Variants in SLC25A33 observed in about 807,000 individuals in gnomAD.
SLC25A33 encodes solute carrier family 25 member 33.
In SLC25A33, 15 loss-of-function variants were observed where a neutral mutation model predicts 35.5. The observed-to-expected ratio is 0.42, with a 90% CI of 0.28 to 0.65. The LOEUF is 0.65. SLC25A33 is among the 30% of genes least tolerant of loss of function. SLC25A33 has a pLI of 0.20. For synonymous variants in SLC25A33, 136 were observed against 148.7 expected (o/e 0.91, Z 0.62); for missense variants, 257 against 398.5 (o/e 0.64, Z 3.02).
intron 2 of SLC25A33, among the ~76,000 whole-genome samples, chr1:9,556,654 C>CT (rs1003216140): frequency 3.3e-5 from 5 of 151,814 alleles, no homozygotes; most frequent in African/African-American, 1.2e-4. Flanking sequence ...CAGCCCCCCC[C>CT]ATAAGAGATT....
intron 2 of SLC25A33, among the ~76,000 whole-genome samples, chr1:9,562,775 C>T (rs1197030827): frequency 6.7e-6 from 1 of 150,166 alleles, no homozygotes; most frequent in African/African-American, 2.5e-5. Context: ...ATCACTTGAA[C>T]CTGGGAGGCA....
At chr1:9,555,848 C>T (rs1295727808) in intron 2 of SLC25A33, among the ~76,000 whole-genome samples, 1 of 152,134 alleles carries the variant, frequency 6.6e-6, no homozygotes, top group African/African-American at 2.4e-5. Context: ...CGATGCCTGG[C>T]TAATTTTTGT....
At chr1:9,554,447 C>A (rs1222530155) in intron 2 of SLC25A33, among the ~76,000 whole-genome samples, 1 of 152,230 alleles carries the variant, frequency 6.6e-6, no homozygotes, top group African/African-American at 2.4e-5. Context: ...GCAACCTCTG[C>A]CTCCTGGATT....
intron 2 of SLC25A33, among the ~76,000 whole-genome samples, chr1:9,566,396 G>A (rs1326752707): frequency 1.3e-5 from 2 of 152,142 alleles, no homozygotes; most frequent in African/African-American, 4.8e-5. Flanking sequence ...CTAGAAGATA[G>A]GATTGTTAGA....
chr1:9,579,992 C>T lies in SLC25A33; in HGVS notation c.521C>T (p.Ala174Val). 1 of 1,613,396 alleles carries T rather than the reference C, an allele frequency of 6.2e-7. No homozygotes were observed. Among genetic ancestry groups the T allele is most frequent in the Non-Finnish European group, 8.5e-7 (1 of 1,179,694 alleles). Residue 174 changes from alanine (A) to valine (V), a missense_variant, in exon 6 of 7, where the codon GCT becomes GTT. Coordinates refer to ENST00000302692, the MANE Select transcript of SLC25A33 (RefSeq NM_032315.3). ...AAGCAGATGAATACACTCCAGTGTG[C>T]TCGTTACGTTTACCAGACCGAAGGC... The part of the protein sequence containing the change: ...GSKQMNTLQC[A>V]RYVYQTEGIR...
intron 1 of SLC25A33, among the ~76,000 whole-genome samples, chr1:9,541,742 A>G (rs1368427974): frequency 3.3e-5 from 5 of 151,866 alleles, no homozygotes; most frequent in Non-Finnish European, 7.4e-5. Flanking sequence ...TTAAAAAAAA[A>G]AAAAAAAGGA....
At chr1:9,540,778 CAACA>C (rs1643067416) in intron 1 of SLC25A33, among the ~76,000 whole-genome samples, 1 of 152,170 alleles carries the variant, frequency 6.6e-6, no homozygotes, top group African/African-American at 2.4e-5. Context: ...ATGTTCCTTA[CAACA>C]AACAATGGTT....
intron 4 of SLC25A33, among the ~76,000 whole-genome samples, chr1:9,572,542 C>G (rs748781706): frequency 5.3e-5 from 8 of 152,002 alleles, no homozygotes; most frequent in African/African-American, 1.9e-4. Flanking sequence ...GGCGTCAACC[C>G]GGGAGGCGGA....
intron 4 of SLC25A33, among the ~76,000 whole-genome samples, chr1:9,571,325 ACT>A (rs1319272675): frequency 6.6e-6 from 1 of 152,006 alleles, no homozygotes; most frequent in Admixed American, 6.6e-5. Flanking sequence ...AGACAGAGTC[ACT>A]CTGTCGCCCA....
At position 9,583,817 on chromosome 1, in the gene SLC25A33, C is replaced by G. The variant is rs1643773898; in HGVS notation, c.*1316C>G. ...ACCATCCTGGCTAACACGGTGAAAC[C>G]CCGTCTCTACTAAAAAAATACAAAA... is the stretch of plus-strand genomic sequence containing the variant. On this transcript the variant is annotated 3_prime_UTR_variant, in exon 7 of 7. Coordinates refer to ENST00000302692, the MANE Select transcript of SLC25A33 (RefSeq NM_032315.3). 1 of 152,056 alleles carries G rather than the reference C, an allele frequency of 6.6e-6. No homozygotes were observed. Among genetic ancestry groups the G allele is most frequent in the South Asian group, 2.1e-4 (1 of 4,824 alleles). 9.4% of individuals were successfully genotyped at this position (152,056 alleles called of 1,614,324 possible). A position where few individuals can be genotyped will look rare whatever the true frequency, so the allele number is the denominator to read the frequency against.
At chr1:9,571,762 C>G (rs942847687) in intron 4 of SLC25A33, among the ~76,000 whole-genome samples, 7 of 152,136 alleles carry the variant, frequency 4.6e-5, no homozygotes, top group African/African-American at 1.7e-4. Context: ...CCTCAGCCTC[C>G]TGAGTAGCTG....
At position 9,584,697 on chromosome 1, in the gene SLC25A33, C is replaced by CCCGCG. The variant is rs1402536216; in HGVS notation, c.*2201_*2205dup. On this transcript the variant is annotated 3_prime_UTR_variant, in exon 7 of 7. Coordinates refer to ENST00000302692, the MANE Select transcript of SLC25A33 (RefSeq NM_032315.3). ...TACAGGAGGGAGCCACCATACCTGG[C>CCCGCG]CCGCGCCGCCCCTTCCTTTGTTGTT... 6.6e-6 allele frequency: 1 copy of CCCGCG among 152,140 alleles called. No individual in the cohort carries two copies. Among genetic ancestry groups the CCCGCG allele is most frequent in the Non-Finnish European group, 1.5e-5 (1 of 68,082 alleles). 9.4% of individuals were successfully genotyped at this position (152,140 alleles called of 1,614,324 possible). A position where few individuals can be genotyped will look rare whatever the true frequency, so the allele number is the denominator to read the frequency against.
intron 2 of SLC25A33, among the ~76,000 whole-genome samples, chr1:9,558,599 A>C (rs1643378306): frequency 6.6e-6 from 1 of 152,200 alleles, no homozygotes; most frequent in South Asian, 2.1e-4. Flanking sequence ...TGTTAGAGGC[A>C]GCTCCATCTT....
chr1:9,563,367 A>T (rs1319686911), intron 2 of SLC25A33, among the ~76,000 whole-genome samples: 1 of 152,200 alleles, frequency 6.6e-6, no homozygotes, highest in Non-Finnish European at 1.5e-5. Context: ...ACATCCAAAA[A>T]TTAGGAGAAG....
intron 2 of SLC25A33, among the ~76,000 whole-genome samples, chr1:9,565,973 G>A (rs1417687473): frequency 1.3e-5 from 2 of 151,812 alleles, no homozygotes; most frequent in Non-Finnish European, 2.9e-5. Context: ...TTAAATAACC[G>A]TCATCCGTCC....
chr1:9,559,415 G>A (rs571489095), intron 2 of SLC25A33, among the ~76,000 whole-genome samples: 1 of 152,098 alleles, frequency 6.6e-6, no homozygotes, highest in Non-Finnish European at 1.5e-5. Context: ...GCATATAAAG[G>A]GCTTAACACC....
At chr1:9,576,319 G>A (rs1023038137) in intron 5 of SLC25A33, 18 of 330,706 alleles carry the variant, frequency 5.4e-5, no homozygotes, top group African/African-American at 3.9e-4. Context: ...GAGTCACCCA[G>A]TACAGGTTGG....
intron 2 of SLC25A33, chr1:9,556,391 A>G (rs2100384040): frequency 4.2e-6 from 1 of 239,020 alleles, no homozygotes; most frequent in East Asian, 1.8e-4. Context: ...CTGGAAGGTA[A>G]ATGGGAATGT....
chr1:9,548,686 A>G (rs530597443), intron 1 of SLC25A33, among the ~76,000 whole-genome samples: 1 of 152,308 alleles, frequency 6.6e-6, no homozygotes, highest in African/African-American at 2.4e-5. Context: ...CATCTCTTAG[A>G]GTATGTATCC....
Sources: allele counts gnomAD v4.1 joint callset (sites outside exome capture counted in the v4.1 genomes callset), GRCh38; gene constraint gnomAD v4.1.1; transcripts MANE v1.5; gene names NCBI Gene and HGNC (gene_info 2026-07-23, HGNC 2026-07-21).